Variants in PHACTR1 observed in about 807,000 individuals in gnomAD.
The protein encoded by PHACTR1 is phosphatase and actin regulator 1, also known as RPEL repeat containing 1.
PHACTR1 carries 16 observed loss-of-function variants against 69.2 expected under a neutral mutation model. The observed-to-expected ratio is 0.23, with a 90% CI of 0.16 to 0.35. PHACTR1 has a LOEUF of 0.35. Ranked by LOEUF, PHACTR1 falls within the 10% of genes least tolerant of loss-of-function variation. The probability of loss-of-function intolerance (pLI) is 1.00; values close to 1 mark genes in which losing one functional copy is unlikely to be tolerated. For synonymous variants in PHACTR1, 312 were observed against 284.5 expected (o/e 1.10, Z -0.97); for missense variants, 510 against 734.7 (o/e 0.69, Z 3.54).
chr6:13,184,880 C>T (rs1253841525), intron 7 of PHACTR1: 1 of 1,366,544 alleles, frequency 7.3e-7, no homozygotes, highest in East Asian at 4.5e-5. Context: ...CTGCTACTGC[C>T]CCCCAAAAAA....
At chr6:13,017,776 T>C (rs973452007) in intron 4 of PHACTR1, among the ~76,000 whole-genome samples, 1 of 152,064 alleles carries the variant, frequency 6.6e-6, no homozygotes, top group African/African-American at 2.4e-5. Flanking sequence ...AGATGTAATT[T>C]CAATAGAAAT....
At chr6:12,871,312 G>A (rs1326485915) in intron 4 of PHACTR1, among the ~76,000 whole-genome samples, 1 of 152,148 alleles carries the variant, frequency 6.6e-6, no homozygotes, top group Non-Finnish European at 1.5e-5. Context: ...CCCTAAAAAT[G>A]CCTCAAAACG....
intron 4 of PHACTR1, among the ~76,000 whole-genome samples, chr6:12,862,539 A>G (rs1488929300): frequency 6.6e-6 from 1 of 152,088 alleles, no homozygotes; most frequent in African/African-American, 2.4e-5. Context: ...CCCCTCCCTT[A>G]CAAGCCCGAG....
At chr6:12,985,766 CAT>C (rs1796109376) in intron 4 of PHACTR1, among the ~76,000 whole-genome samples, 2 of 151,264 alleles carry the variant, frequency 1.3e-5, no homozygotes, top group Admixed American at 1.3e-4. Context: ...ATCCCATAAA[CAT>C]AATATTAAGG....
intron 4 of PHACTR1, among the ~76,000 whole-genome samples, chr6:12,821,291 G>A (rs368511443): frequency 1.3e-5 from 2 of 151,898 alleles, no homozygotes; most frequent in East Asian, 1.9e-4. Flanking sequence ...GTGAAACCCC[G>A]TCTCTACTAA....
intron 10 of PHACTR1, among the ~76,000 whole-genome samples, chr6:13,234,540 G>A (rs1251554461): frequency 3.3e-5 from 5 of 151,896 alleles, no homozygotes; most frequent in African/African-American, 4.8e-5. Context: ...AAAAGACCAC[G>A]ATGTGTAGCA....
At chr6:12,826,008 T>A (rs1420495662) in intron 4 of PHACTR1, among the ~76,000 whole-genome samples, 1 of 152,240 alleles carries the variant, frequency 6.6e-6, no homozygotes, top group Non-Finnish European at 1.5e-5. Flanking sequence ...TTAATCATTT[T>A]AATAGATTGG....
intron 3 of PHACTR1, among the ~76,000 whole-genome samples, chr6:12,730,023 TTAAAGCATATTGAGTTTGGAGATC>T (rs1324921396): frequency 1.3e-5 from 2 of 152,096 alleles, no homozygotes; most frequent in Admixed American, 6.5e-5. Context: ...GAAACTCCAT[TTAAAGCATATTGAGTTTGGAGATC>T]CTATGGAACA....
chr6:12,742,898 C>T (rs776703955), intron 3 of PHACTR1, among the ~76,000 whole-genome samples: 2 of 152,116 alleles, frequency 1.3e-5, no homozygotes, highest in Non-Finnish European at 2.9e-5. Context: ...AGAAAATATT[C>T]AGTAAGCTTA....
Position 12,718,865 on chromosome 6 carries a change from A to G in PHACTR1, c.103+18A>G. ...AGCTCAAGGTAATAAAATAAGAAAA[A>G]GAAATTCCTCTTATTTGCACGTCGG... On this transcript the variant is annotated intron_variant, in intron 3 of 14. Transcript: ENST00000332995. 6.8e-7 allele frequency: 1 copy of G among 1,476,796 alleles called. No homozygotes were observed. The highest frequency in any genetic ancestry group is 1.4e-5 in the African/African-American group (1 of 71,416). The allele number at this position is 1,476,796 out of a possible 1,614,324, so 91.5% of individuals were successfully genotyped here.
At chr6:13,230,340 T>C in intron 10 of PHACTR1, 147 bp downstream of exon 10, 1 of 1,480,536 alleles carries the variant, frequency 6.8e-7, no homozygotes, top group Non-Finnish European at 9.0e-7. Flanking sequence ...TCACATGAGG[T>C]CAGGAGTTCA....
chr6:12,718,660 A>C, intron 2 of PHACTR1, 39 bp from the exon 3 acceptor site: 2 of 586,512 alleles, frequency 3.4e-6, no homozygotes, highest in Non-Finnish European at 5.9e-6. Flanking sequence ...TTTATACTTG[A>C]CGTCTAAAAT....
chr6:12,963,961 C>A (rs927913987), intron 4 of PHACTR1, among the ~76,000 whole-genome samples: 1 of 152,128 alleles, frequency 6.6e-6, no homozygotes, highest in Admixed American at 6.5e-5. Context: ...AAACAAGTCA[C>A]CAGACTTTAA....
At chr6:13,061,937 G>C (rs551433814) in intron 5 of PHACTR1, among the ~76,000 whole-genome samples, 1 of 152,260 alleles carries the variant, frequency 6.6e-6, no homozygotes. Context: ...GCTATTAGGA[G>C]ACCCACCTAA....
At chr6:12,953,271 C>T (rs945798056) in intron 4 of PHACTR1, among the ~76,000 whole-genome samples, 2 of 152,054 alleles carry the variant, frequency 1.3e-5, no homozygotes, top group Non-Finnish European at 2.9e-5. Context: ...TGCAGTGAGC[C>T]GAGATCGCGG....
At chr6:12,878,530 G>A (rs1325945027) in intron 4 of PHACTR1, among the ~76,000 whole-genome samples, 1 of 152,150 alleles carries the variant, frequency 6.6e-6, no homozygotes, top group Admixed American at 6.5e-5. Flanking sequence ...CTTGCTCTCA[G>A]GGAGCTTATC....
At chr6:12,864,580 T>C (rs1781268421) in intron 4 of PHACTR1, among the ~76,000 whole-genome samples, 1 of 151,674 alleles carries the variant, frequency 6.6e-6, no homozygotes, top group Non-Finnish European at 1.5e-5. Flanking sequence ...CTCGGGAGGC[T>C]GAGGCAGGAG....
intron 4 of PHACTR1, among the ~76,000 whole-genome samples, chr6:12,905,405 A>G (rs1188302763): frequency 6.6e-6 from 1 of 152,230 alleles, no homozygotes; most frequent in Non-Finnish European, 1.5e-5. Flanking sequence ...CTGTTCCCAT[A>G]CTATGTGTCT....
intron 4 of PHACTR1, among the ~76,000 whole-genome samples, chr6:12,930,379 G>A (rs1377036903): frequency 1.3e-5 from 2 of 152,158 alleles, no homozygotes; most frequent in Non-Finnish European, 2.9e-5. Flanking sequence ...GAACCTCTTT[G>A]GGGATACATG....
Sources: gnomAD v4.1 joint callset for allele counts (sites outside exome capture counted in the v4.1 genomes callset) on GRCh38, gnomAD v4.1.1 for gene constraint, MANE v1.5 for transcripts, NCBI Gene and HGNC (gene_info 2026-07-23, HGNC 2026-07-21) for gene names.